The following FIGNL2 variants were observed in gnomAD, a reference collection of about 807,000 sequenced individuals.
FIGNL2 encodes fidgetin-like protein 2.
For missense variants in FIGNL2, 1,060 were observed against 950.2 expected (o/e 1.12, Z -1.52); for synonymous variants, 565 against 484.0 (o/e 1.17, Z -2.20).
Position 51,821,623 on chromosome 12 carries a change from G to T in FIGNL2, c.791C>A (p.Ser264Ter). The stretch of plus-strand genomic sequence containing the variant: ...CTCGTCGGCGGCCTTGCGCTTCAGC[G>T]ACAGCCCGGATTCGGCACCCGGCGC... ...TAAPGAESGL[S>*]LKRKAADEGP... The change falls in exon 2 of 2, where the codon TCG becomes TAG. Residue 264 changes from serine (S) to a stop codon, truncating the protein, a stop_gained. Transcript: ENST00000618634. LOFTEE classifies it low-confidence loss of function (END_TRUNC). 1.3e-6 allele frequency: 2 copies of T among 1,493,938 alleles called. No homozygotes were observed. Among genetic ancestry groups the T allele is most frequent in the Non-Finnish European group, 8.9e-7 (1 of 1,127,514 alleles). 92.5% of individuals were successfully genotyped at this position (1,493,938 alleles called of 1,614,324 possible).
chr12:51,832,736 C>G (rs1428821431), intron 1 of FIGNL2, among the ~76,000 whole-genome samples: 1 of 152,214 alleles, frequency 6.6e-6, no homozygotes, highest in East Asian at 1.9e-4. Flanking sequence ...AGTTCTCCAG[C>G]TGAGATTTCT....
rs1005542697 is a variant in FIGNL2, at chr12:51,821,019, G to A, written c.1395C>T (p.Gly465=). 8.5e-6 allele frequency: 10 copies of A among 1,172,278 alleles called. No homozygotes were observed. The highest frequency in any genetic ancestry group is 3.2e-5 in the African/African-American group (2 of 61,690). The allele number at this position is 1,172,278 out of a possible 1,614,324, so 72.6% of individuals were successfully genotyped here. A position where few individuals can be genotyped will look rare whatever the true frequency, so the allele number is the denominator to read the frequency against. ...GGAGGAGGCGCGCGCCCTCGGCGGC[G>A]CCGGGCGCAGCCAGGGTCGCGCCGC... ...RLRGATLAAP[G]AAEGARLLQA... Residue 465 remains glycine (G), a synonymous_variant, in exon 2 of 2, where the codon GGC becomes GGT. Coordinates refer to ENST00000618634, the MANE Select transcript of FIGNL2 (RefSeq NM_001384995.1).
chr12:51,835,795 A>G (rs1183152166), intron 1 of FIGNL2, among the ~76,000 whole-genome samples: 1 of 141,614 alleles, frequency 7.1e-6, no homozygotes, highest in African/African-American at 2.5e-5. Flanking sequence ...CTTCCTGCGG[A>G]TCTAGACTTC....
chr12:51,848,138 G>A, intron 1 of FIGNL2: 1 of 985,160 alleles, frequency 1.0e-6, no homozygotes, highest in Non-Finnish European at 1.2e-6. Flanking sequence ...GGAGGGGCCT[G>A]CGGGCCGGCC....
rs1422296581 is a variant in FIGNL2 at position 51,818,432 on chromosome 12, TC to T, written c.*2019del. 1 of 134,416 alleles carries T rather than the reference TC, an allele frequency of 7.4e-6. No homozygotes were observed. Among genetic ancestry groups the T allele is most frequent in the African/African-American group, 2.8e-5 (1 of 35,328 alleles). The allele number at this position is 134,416 out of a possible 1,614,324, so 8.3% of individuals were successfully genotyped here. A position where few individuals can be genotyped will look rare whatever the true frequency, so the allele number is the denominator to read the frequency against. Reference sequence around the variant, plus strand: ...AGAGAACCCCTCACTCCATGCTCCCTCCGAGGGTCTTTTGCAGCCTGCGGCT... The same window carrying T: ...AGAGAACCCCTCACTCCATGCTCCCTCGAGGGTCTTTTGCAGCCTGCGGCT... On this transcript the variant is annotated 3_prime_UTR_variant, in exon 2 of 2. Transcript: ENST00000618634.
intron 1 of FIGNL2, among the ~76,000 whole-genome samples, chr12:51,825,201 A>G (rs1432601738): frequency 6.6e-6 from 1 of 152,152 alleles, no homozygotes; most frequent in Non-Finnish European, 1.5e-5. Flanking sequence ...TTTACCCTGA[A>G]CATATTAAAC....
Position 51,822,055 on chromosome 12 carries a change from G to T in FIGNL2, c.359C>A (p.Ser120Ter). ...GGCCCCGGAACCGCCGCCACCGCCC[G>T]ATTTGGTTCCTGGGAGGCCTTCGTG... ...SLHEGLPGTKSGGGGGSGALG... is the reference protein window; with the variant it reads ...SLHEGLPGTK Residue 120 changes from serine (S) to a stop codon, truncating the protein, a stop_gained, in exon 2 of 2, where the codon TCG becomes TAG. Coordinates refer to ENST00000618634, the MANE Select transcript of FIGNL2 (RefSeq NM_001384995.1). LOFTEE classifies it low-confidence loss of function (END_TRUNC). 6.2e-7 allele frequency: 1 copy of T among 1,610,066 alleles called. No homozygotes were observed.
intron 1 of FIGNL2, chr12:51,845,790 G>C: frequency 5.2e-6 from 2 of 384,448 alleles, no homozygotes; most frequent in Non-Finnish European, 7.1e-6. Context: ...GGAGAGTCGG[G>C]GGAGTCCTGG....
At chr12:51,822,546 C>T in intron 1 of FIGNL2, 122 bp from the exon 2 acceptor site, 1 of 1,056,360 alleles carries the variant, frequency 9.5e-7, no homozygotes, top group Non-Finnish European at 1.4e-6. Flanking sequence ...CGGCATCCAC[C>T]ACCTACCGCC....
chr12:51,835,801 A>C (rs1246156189), intron 1 of FIGNL2, among the ~76,000 whole-genome samples: 1 of 131,584 alleles, frequency 7.6e-6, no homozygotes, highest in Non-Finnish European at 1.7e-5. Context: ...GCGGATCTAG[A>C]CTTCTTTTTT....
chr12:51,829,787 AAG>A (rs1263704713), intron 1 of FIGNL2, among the ~76,000 whole-genome samples: 1 of 151,072 alleles, frequency 6.6e-6, no homozygotes, highest in Admixed American at 6.6e-5. Flanking sequence ...GAGAGGAAAA[AAG>A]AAGGAAGGAA....
At chr12:51,825,848 C>T (rs1302343496) in intron 1 of FIGNL2, 1 of 151,938 alleles carries the variant, frequency 6.6e-6, no homozygotes, top group African/African-American at 2.4e-5. Flanking sequence ...GATCTCCTGA[C>T]CTCGTGATCC....
intron 1 of FIGNL2, among the ~76,000 whole-genome samples, chr12:51,840,959 A>G (rs1939650651): frequency 6.6e-6 from 1 of 152,184 alleles, no homozygotes; most frequent in African/African-American, 2.4e-5. Flanking sequence ...CCTAGCCCCA[A>G]ATATGGCCCC....
At chr12:51,832,266 C>G (rs1476970141) in intron 1 of FIGNL2, among the ~76,000 whole-genome samples, 1 of 152,154 alleles carries the variant, frequency 6.6e-6, no homozygotes, top group Non-Finnish European at 1.5e-5. Flanking sequence ...GTCCACCTGC[C>G]TTAGCCTCCC....
chr12:51,846,333 G>A (rs1331410174), intron 1 of FIGNL2, among the ~76,000 whole-genome samples: 1 of 152,216 alleles, frequency 6.6e-6, no homozygotes, highest in Non-Finnish European at 1.5e-5. Context: ...GTTGGGCCCT[G>A]AAGAATAAGG....
At chr12:51,841,040 G>A (rs2139000051) in intron 1 of FIGNL2, among the ~76,000 whole-genome samples, 1 of 152,340 alleles carries the variant, frequency 6.6e-6, no homozygotes, top group East Asian at 1.9e-4. Context: ...GAGGAAACAG[G>A]CCCAGGCAGC....
At position 51,822,428 on chromosome 12, in the gene FIGNL2, C is replaced by T. The variant is rs1565942794; in HGVS notation, c.-11-4G>A. The T allele has an allele frequency of 6.2e-7, 1 of 1,612,972 alleles. No homozygotes were observed. Among genetic ancestry groups the T allele is most frequent in the South Asian group, 1.1e-5 (1 of 90,764 alleles). On this transcript the variant is annotated splice_polypyrimidine_tract_variant and splice_region_variant and intron_variant, in intron 1 of 1. Coordinates refer to ENST00000618634, the MANE Select transcript of FIGNL2 (RefSeq NM_001384995.1). ...GTCCAGTGCATCTTCAACAGAGCTG[C>T]GGGCAAGAGACAGGAGGTCTGGTGA...
chr12:51,838,129 C>G (rs540362501), intron 1 of FIGNL2: 1 of 152,492 alleles, frequency 6.6e-6, no homozygotes, highest in Admixed American at 6.5e-5. Context: ...CACACCACAC[C>G]CCACTTCTCA....
At chr12:51,844,988 C>A in intron 1 of FIGNL2, 1 of 560,044 alleles carries the variant, frequency 1.8e-6, no homozygotes, top group Non-Finnish European at 2.3e-6. Context: ...GAGGGATGGA[C>A]TGGGGTGAGG....
Sources: gnomAD v4.1 joint callset for allele counts (sites outside exome capture counted in the v4.1 genomes callset) on GRCh38, gnomAD v4.1.1 for gene constraint, MANE v1.5 for transcripts, NCBI Gene and HGNC (gene_info 2026-07-23, HGNC 2026-07-21) for gene names.